SETD3: variants seen among roughly 807,000 people sequenced by gnomAD.
SETD3 encodes actin-histidine N-methyltransferase.
A neutral mutation model predicts 63.0 loss-of-function variants in SETD3; 19 were observed. The ratio of observed to expected loss-of-function variants is 0.30; its 90% CI spans 0.21 to 0.44. The LOEUF is 0.44. Among genes scored for constraint, SETD3 ranks in the 20% least tolerant of loss-of-function variants. The pLI is 1.00. For synonymous variants in SETD3, 286 were observed against 264.1 expected (o/e 1.08, Z -0.80); for missense variants, 587 against 728.5 (o/e 0.81, Z 2.24).
At chr14:99,462,198 C>T (rs1895103725) in intron 3 of SETD3, among the ~76,000 whole-genome samples, 1 of 152,202 alleles carries the variant, frequency 6.6e-6, no homozygotes, top group Non-Finnish European at 1.5e-5. Context: ...GAGAATACAA[C>T]TTTGACATGT....
intron 4 of SETD3, 35 bp downstream of exon 4, chr14:99,461,157 A>G: frequency 1.2e-6 from 2 of 1,611,640 alleles, no homozygotes; most frequent in Non-Finnish European, 1.7e-6. Flanking sequence ...GTTCAAACAC[A>G]TAGACCCCTT....
At position 99,398,876 on chromosome 14, in the gene SETD3, C is replaced by A. The variant is rs973532908; in HGVS notation, c.1588G>T (p.Ala530Ser). The change falls in exon 13 of 13, where the codon GCT (alanine) becomes TCT (serine). Residue 530 changes from alanine to serine, a missense_variant. Ala to Ser is a moderately conservative substitution (Grantham distance 99). Transcript: ENST00000331768. ...PLVLRNLEEE[A>S]GVQDALNIRE... is the part of the protein sequence containing the mutation. ...ATGTTCAAGGCATCCTGCACTCCAG[C>A]CTCCTCCTCGAGGTTTCTCAAGACC... 6.2e-7 allele frequency: 1 copy of A among 1,614,098 alleles called. No homozygotes were observed. The highest frequency in any genetic ancestry group is 1.3e-5 in the African/African-American group (1 of 74,942).
chr14:99,430,228 C>A (rs942572731), intron 6 of SETD3, among the ~76,000 whole-genome samples: 2 of 152,198 alleles, frequency 1.3e-5, no homozygotes, highest in African/African-American at 4.8e-5. Flanking sequence ...CCTGGGTGCA[C>A]AGATATGCAC....
At chr14:99,484,945 GAT>G (rs1471195315), upstream of SETD3, among the ~76,000 whole-genome samples, 1 of 152,130 alleles carries the variant, frequency 6.6e-6, no homozygotes, top group Non-Finnish European at 1.5e-5. Flanking sequence ...CTTGTTTATG[GAT>G]TTTCATTTTG....
chr14:99,404,498 C>T (rs547484225), intron 10 of SETD3, among the ~76,000 whole-genome samples, 188 bp from the exon 11 acceptor site: 135 of 152,262 alleles, frequency 8.9e-4, no homozygotes, highest in Middle Eastern at 3.4e-3. Flanking sequence ...CAGGCTGGGG[C>T]GGAGGCAAGC....
Position 99,399,096 on chromosome 14 carries a change from A to T in SETD3, c.1368T>A (p.Asp456Glu). The T allele has an allele frequency of 6.2e-7, 1 of 1,613,794 alleles. No individual in the cohort carries two copies. Among genetic ancestry groups the T allele is most frequent in the Non-Finnish European group, 8.5e-7 (1 of 1,179,796 alleles). Residue 456 changes from aspartate (D) to glutamate (E), a missense_variant, in exon 13 of 13, where the codon GAT becomes GAA. Transcript: ENST00000331768. ...EEDKSVLKNH[D>E]LSVRAKMAIK... ...TGGCCATTTTTGCACGAACAGAAAG[A>T]TCGTGGTTTTTCAAGACGGATTTAT...
chr14:99,459,104 T>C lies in SETD3; in HGVS notation c.418+9A>G. ...TGCTTTGCCTTGAAGAGTCAGAAAT[T>C]ATTCTCACCCAACACTGAATTTTTA... On this transcript the variant is annotated intron_variant, in intron 5 of 12. Coordinates refer to ENST00000331768, the MANE Select transcript of SETD3 (RefSeq NM_032233.3). 6.2e-7 allele frequency: 1 copy of C among 1,602,418 alleles called. No individual in the cohort carries two copies. Among genetic ancestry groups the C allele is most frequent in the Non-Finnish European group, 8.5e-7 (1 of 1,174,286 alleles).
chr14:99,480,821 G>T lies in SETD3; in HGVS notation c.-102C>A, dbSNP rs1896271459. 1 of 162,502 alleles carries T rather than the reference G, an allele frequency of 6.2e-6. No individual in the cohort carries two copies. The highest frequency in any genetic ancestry group is 1.8e-4 in the South Asian group (1 of 5,486). 10.1% of individuals were successfully genotyped at this position (162,502 alleles called of 1,614,324 possible). On this transcript the variant is annotated 5_prime_UTR_variant, in exon 1 of 13. Coordinates refer to ENST00000331768, the MANE Select transcript of SETD3 (RefSeq NM_032233.3). ...ACCCCCAGGCGGTGGCGGCGGTGGCGGCGGCGGCGGCCGGACGGGAGGGGC... is the reference window on the plus strand; with the variant it reads ...ACCCCCAGGCGGTGGCGGCGGTGGCTGCGGCGGCGGCCGGACGGGAGGGGC...
intron 6 of SETD3, among the ~76,000 whole-genome samples, chr14:99,433,756 C>A (rs186766510): frequency 2.7e-4 from 41 of 152,192 alleles, no homozygotes; most frequent in African/African-American, 9.4e-4. Context: ...CTTTAATGAG[C>A]GTAACATTTG....
chr14:99,420,111 C>T (rs76182187), intron 6 of SETD3, among the ~76,000 whole-genome samples: 2,428 of 152,270 alleles, frequency 0.016, 62 homozygotes, highest in African/African-American at 0.055. Context: ...CCTCTTCTTC[C>T]GGGCCACCTT....
At chr14:99,413,742 A>C (rs971956267) in intron 7 of SETD3, 134 bp downstream of exon 7, 10 of 788,876 alleles carry the variant, frequency 1.3e-5, no homozygotes, top group Admixed American at 2.4e-5. Context: ...TAACTTCTGA[A>C]AGATGAGCTC....
In SETD3 at chr14:99,458,235, C is replaced by T. The variant is rs773020279; in HGVS notation, c.675+44G>A. The T allele has an allele frequency of 6.3e-6, 10 of 1,575,226 alleles. No homozygotes were observed. In the African/African-American group the frequency reaches 1.4e-4, roughly 21 times the overall value. On this transcript the variant is annotated intron_variant, in intron 6 of 12. Transcript: ENST00000331768. Reference sequence around the variant, plus strand: ...TTATGGACTCAATTCCTCTTTCCTCCCCACTCTGTGAAATATATACTTAAA... The same window carrying T: ...TTATGGACTCAATTCCTCTTTCCTCTCCACTCTGTGAAATATATACTTAAA...
intron 11 of SETD3, among the ~76,000 whole-genome samples, chr14:99,402,826 T>G (rs1891455449): frequency 6.6e-6 from 1 of 152,252 alleles, no homozygotes; most frequent in Non-Finnish European, 1.5e-5. Context: ...AAACTGAGCA[T>G]GTACCAAATG....
intron 11 of SETD3, among the ~76,000 whole-genome samples, chr14:99,401,759 C>T (rs941084461): frequency 3.9e-5 from 6 of 152,072 alleles, no homozygotes; most frequent in Non-Finnish European, 7.4e-5. Flanking sequence ...AAGTTCTTTT[C>T]AAAGGCCCCC....
chr14:99,477,424 AT>A (rs944573926), intron 1 of SETD3, among the ~76,000 whole-genome samples: 1 of 152,176 alleles, frequency 6.6e-6, no homozygotes, highest in African/African-American at 2.4e-5. Flanking sequence ...GCAGATGCTA[AT>A]TTTTTTTTCA....
At chr14:99,451,126 T>G (rs1253003945) in intron 6 of SETD3, among the ~76,000 whole-genome samples, 1 of 152,202 alleles carries the variant, frequency 6.6e-6, no homozygotes, top group Non-Finnish European at 1.5e-5. Flanking sequence ...ACAATTATAG[T>G]ACTTCAAAGT....
chr14:99,435,362 T>G (rs1893419695), intron 6 of SETD3, among the ~76,000 whole-genome samples: 1 of 152,194 alleles, frequency 6.6e-6, no homozygotes, highest in Admixed American at 6.5e-5. Context: ...ACTGATAAAA[T>G]CCTTTGTTGT....
At chr14:99,477,828 T>G (rs747171629) in intron 1 of SETD3, among the ~76,000 whole-genome samples, 12 of 151,476 alleles carry the variant, frequency 7.9e-5, no homozygotes, top group Admixed American at 1.3e-4. Flanking sequence ...TGATAGAAAT[T>G]TTTTACCTTG....
At chr14:99,470,834 C>T (rs1895661447) in intron 1 of SETD3, among the ~76,000 whole-genome samples, 1 of 152,162 alleles carries the variant, frequency 6.6e-6, no homozygotes. Flanking sequence ...AAGGCAGACG[C>T]CCTATATGTA....
Sources: allele counts gnomAD v4.1 joint callset (sites outside exome capture counted in the v4.1 genomes callset), GRCh38; gene constraint gnomAD v4.1.1; transcripts MANE v1.5; gene names NCBI Gene and HGNC (gene_info 2026-07-23, HGNC 2026-07-21).